HTR1D: variants seen among roughly 807,000 people sequenced by gnomAD.
HTR1D encodes the protein 5-hydroxytryptamine receptor 1D.
A neutral mutation model predicts 21.1 loss-of-function variants in HTR1D; 18 were observed. That is an observed-to-expected ratio of 0.85 (90% CI 0.59 to 1.27). HTR1D has a LOEUF of 1.27. HTR1D is among the 50% of genes most tolerant of loss of function. The pLI is 0.00. For synonymous variants in HTR1D, 196 were observed against 204.4 expected, an observed-to-expected ratio of 0.96 and a Z score of 0.35; for missense variants, 456 against 481.4, an observed-to-expected ratio of 0.95 and a Z score of 0.49.
intron 1 of HTR1D, among the ~76,000 whole-genome samples, chr1:23,209,747 G>A (rs1300045945): frequency 2.0e-5 from 3 of 152,104 alleles, no homozygotes; most frequent in Non-Finnish European, 4.4e-5. Flanking sequence ...CAGAGATAGG[G>A]CACTGTGGAT....
chr1:23,203,290 T>G (rs1644716934), intron 1 of HTR1D, among the ~76,000 whole-genome samples: 1 of 152,160 alleles, frequency 6.6e-6, no homozygotes, highest in Admixed American at 6.6e-5. Flanking sequence ...TGTATCTGAG[T>G]GCCAGTTTTA....
chr1:23,195,211 A>C (rs530757085), intron 1 of HTR1D, among the ~76,000 whole-genome samples: 1 of 152,358 alleles, frequency 6.6e-6, no homozygotes, highest in East Asian at 1.9e-4. Flanking sequence ...TTTTGGAATC[A>C]TCACAAGCTT....
intron 1 of HTR1D, among the ~76,000 whole-genome samples, chr1:23,210,738 C>CAGAT (rs1644750413): frequency 6.6e-6 from 1 of 152,088 alleles, no homozygotes; most frequent in African/African-American, 2.4e-5. Context: ...CCCCAGCTCT[C>CAGAT]ATCTGAGTTT....
chr1:23,201,808 C>A lies in HTR1D; in HGVS notation c.-782-6807G>T, dbSNP rs942273326. 2.6e-5 allele frequency among the ~76,000 whole-genome samples: 4 copies of A among 152,208 alleles called. 1 individual carries two copies. Among genetic ancestry groups the A allele is most frequent in the African/African-American group, 9.6e-5 (4 of 41,540 alleles). On this transcript the variant is annotated intron_variant, in intron 1 of 1. Transcript: ENST00000374619. Reference sequence around the variant, plus strand: ...GGCTCAAGTGATCCTCCTGCCTCAGCCTCCCAAAGTGCTGGGATTAGAGGC... The same window carrying A: ...GGCTCAAGTGATCCTCCTGCCTCAGACTCCCAAAGTGCTGGGATTAGAGGC...
Position 23,193,018 on chromosome 1 carries a change from A to T in HTR1D, c.*68T>A. 2 of 1,074,734 alleles carry T rather than the reference A, an allele frequency of 1.9e-6. No homozygotes were observed. Among genetic ancestry groups the T allele is most frequent in the Non-Finnish European group, 2.7e-6 (2 of 750,126 alleles). The allele number at this position is 1,074,734 out of a possible 1,614,324, so 66.6% of individuals were successfully genotyped here. A position where few individuals can be genotyped will look rare whatever the true frequency, so the allele number is the denominator to read the frequency against. ...AATCCAAGTCTCAGAAAATAATTAA[A>T]AAAAAAAAAGACAATCCCGATGAGG... is the stretch of plus-strand genomic sequence containing the variant. On this transcript the variant is annotated 3_prime_UTR_variant, in exon 2 of 2. Transcript: ENST00000374619.
intron 1 of HTR1D, among the ~76,000 whole-genome samples, chr1:23,201,910 C>T (rs1644710627): frequency 6.6e-6 from 1 of 152,078 alleles, no homozygotes; most frequent in African/African-American, 2.4e-5. Flanking sequence ...GGGTCCAAGT[C>T]CTTTCACCTC....
At chr1:23,212,825 T>C (rs1569768705) in intron 1 of HTR1D, among the ~76,000 whole-genome samples, 1 of 107,866 alleles carries the variant, frequency 9.3e-6, no homozygotes, top group African/African-American at 4.3e-5. Flanking sequence ...CCTGAGTGCC[T>C]CTTTTTTTTT....
intron 1 of HTR1D, among the ~76,000 whole-genome samples, chr1:23,210,357 C>T (rs1300111407): frequency 2.0e-5 from 3 of 152,186 alleles, no homozygotes; most frequent in African/African-American, 7.2e-5. Context: ...GGATTATAGG[C>T]GTGAGCCACC....
chr1:23,205,729 G>A (rs1289480918), intron 1 of HTR1D, among the ~76,000 whole-genome samples: 1 of 151,976 alleles, frequency 6.6e-6, no homozygotes, highest in Non-Finnish European at 1.5e-5. Context: ...TTTTAGTAGA[G>A]ATGGGGTTTC....
intron 1 of HTR1D, among the ~76,000 whole-genome samples, chr1:23,212,294 AC>A (rs910658282): frequency 6.6e-6 from 1 of 151,908 alleles, no homozygotes; most frequent in African/African-American, 2.4e-5. Flanking sequence ...TCTCTTGCTT[AC>A]CCCACCCCTG....
At chr1:23,207,459 C>T (rs1397587721) in intron 1 of HTR1D, among the ~76,000 whole-genome samples, 1 of 152,102 alleles carries the variant, frequency 6.6e-6, no homozygotes. Flanking sequence ...TAGGCCTCAC[C>T]CTCCAGGGGG....
At chr1:23,200,150 T>C (rs1157406874) in intron 1 of HTR1D, among the ~76,000 whole-genome samples, 1 of 152,226 alleles carries the variant, frequency 6.6e-6, no homozygotes, top group Non-Finnish European at 1.5e-5. Flanking sequence ...ACTGACCAGC[T>C]GGGTAACCAT....
rs1483970191 is a variant in HTR1D, at chr1:23,193,409, G to A, written c.811C>T (p.Pro271Ser). The A allele has an allele frequency of 6.2e-7, 1 of 1,614,124 alleles. No individual in the cohort carries two copies. The highest frequency in any genetic ancestry group is 2.2e-5 in the East Asian group (1 of 44,900). ...ATTTTCACGTGGTTGAAAAAGAGAG[G>A]GGAGCCAGCCGAGTGCGAGTGCCCC... is the stretch of plus-strand genomic sequence containing the variant. ...HEGHSHSAGS[P>S]LFFNHVKIKL... The change falls in exon 2 of 2, where the codon CCT (proline) becomes TCT (serine). Residue 271 changes from proline to serine, a missense_variant. By Grantham distance (74) the Pro-to-Ser change is moderately conservative. Transcript: ENST00000374619.
chr1:23,211,775 C>T lies in HTR1D; in HGVS notation c.-783+5516G>A, dbSNP rs553470253. Among the ~76,000 whole-genome samples, 6 of 152,166 alleles carry T rather than the reference C, an allele frequency of 3.9e-5. No individual in the cohort carries two copies. The South Asian group carries it at 1.0e-3, about 26-fold the overall frequency. Reference sequence around the variant, plus strand: ...CTCCTGAGCTCAAGCCTTCCTCCTGCCTCAGCCTCCCAAGTTGCTAGAACT... The same window carrying T: ...CTCCTGAGCTCAAGCCTTCCTCCTGTCTCAGCCTCCCAAGTTGCTAGAACT... On this transcript the variant is annotated intron_variant, in intron 1 of 1. Transcript: ENST00000374619.
At position 23,193,299 on chromosome 1, in the gene HTR1D, C is replaced by A; in HGVS notation, c.921G>T (p.Leu307=). ...RKATKILGII[L]GAFIICWLPF... ...GCAGCCAGCAGATGATAAAGGCCCC[C>A]AGAATGATGCCCAGGATTTTAGTGG... Residue 307 remains leucine, a synonymous_variant, in exon 2 of 2, where the codon CTG becomes CTT. Coordinates refer to ENST00000374619, the MANE Select transcript of HTR1D (RefSeq NM_000864.5). The A allele has an allele frequency of 1.2e-6, 2 of 1,614,166 alleles. No homozygotes were observed. Among genetic ancestry groups the A allele is most frequent in the Non-Finnish European group, 8.5e-7 (1 of 1,180,026 alleles).
Position 23,217,065 on chromosome 1 carries a change from C to A in HTR1D, c.-783+226G>T, listed in dbSNP as rs188698587. Among the ~76,000 whole-genome samples the A allele has an allele frequency of 2.0e-4, 31 of 152,116 alleles. No individual in the cohort carries two copies. The highest frequency in any genetic ancestry group is 7.5e-4 in the African/African-American group (31 of 41,546). The stretch of plus-strand genomic sequence containing the variant: ...GATCCCGCAGCCTCCCTGGGCGCTG[C>A]CTCAGTCCTCCCTTTTCTCCCGGGG... On this transcript the variant is annotated intron_variant, in intron 1 of 1. Coordinates refer to ENST00000374619, the MANE Select transcript of HTR1D (RefSeq NM_000864.5). This position sits in a 1 kb window ranked among gnomAD's most constrained non-coding sequence, Gnocchi z 4.6.
At chr1:23,208,940 A>G (rs142772322) in intron 1 of HTR1D, among the ~76,000 whole-genome samples, 11 of 152,192 alleles carry the variant, frequency 7.2e-5, no homozygotes, top group South Asian at 2.1e-4. Context: ...TATTAGTTAC[A>G]TGTTGAAATG....
chr1:23,194,411 C>CAAT lies in HTR1D; in HGVS notation c.-195_-193dup, dbSNP rs947951826. 15 of 419,306 alleles carry CAAT rather than the reference C, an allele frequency of 3.6e-5. No individual in the cohort carries two copies. Among genetic ancestry groups the CAAT allele is most frequent in the Non-Finnish European group, 6.1e-5 (14 of 229,592 alleles). The allele number at this position is 419,306 out of a possible 1,614,324, so 26.0% of individuals were successfully genotyped here. A position where few individuals can be genotyped will look rare whatever the true frequency, so the allele number is the denominator to read the frequency against. Reference sequence around the variant, plus strand: ...GTTGCAATAAAATAAAATTAAATAACAATAATAATAATAATATTAAACAAG... The same window carrying CAAT: ...GTTGCAATAAAATAAAATTAAATAACAATAATAATAATAATAATATTAAACAAG... On this transcript the variant is annotated 5_prime_UTR_variant, in exon 2 of 2. Transcript: ENST00000374619.
chr1:23,216,517 A>T (rs567126951), intron 1 of HTR1D, among the ~76,000 whole-genome samples: 81 of 152,332 alleles, frequency 5.3e-4, no homozygotes, highest in Middle Eastern at 6.8e-3. Flanking sequence ...GAACTTTCCC[A>T]GACCTGGGGA....
Sources: gnomAD v4.1 joint callset for allele counts (sites outside exome capture counted in the v4.1 genomes callset) on GRCh38, gnomAD v4.1.1 for gene constraint, Gnocchi (gnomAD v3.1) non-coding constraint, MANE v1.5 for transcripts, NCBI Gene and HGNC (gene_info 2026-07-23, HGNC 2026-07-21) for gene names.